The following POLR2F variants were observed in gnomAD, a reference collection of about 807,000 sequenced individuals.
POLR2F encodes the protein RNA polymerase II, I and III subunit F, also known as DNA-directed RNA polymerases I, II, and III subunit RPABC2.
Under a neutral mutation model 22.7 loss-of-function variants are expected in POLR2F, and 12 were observed. That is an observed-to-expected ratio of 0.53 (90% CI 0.34 to 0.86). The LOEUF is 0.86. Among genes scored for constraint, POLR2F ranks in the 40% least tolerant of loss-of-function variants. The probability of loss-of-function intolerance (pLI) is 0.02; values close to 1 mark genes in which losing one functional copy is unlikely to be tolerated. For missense variants in POLR2F, 126 were observed against 171.5 expected (o/e 0.73, Z 1.48); for synonymous variants, 57 against 66.0 (o/e 0.86, Z 0.66).
upstream of POLR2F, chr22:37,983,663 C>A (rs199750760): frequency 2.5e-4 from 393 of 1,584,728 alleles, 1 homozygote; most frequent in East Asian, 6.8e-3. This position sits in a 1 kb window ranked among gnomAD's most constrained non-coding sequence, Gnocchi z 9.5. Flanking sequence ...GGCTCGCAGG[C>A]CCGATCCGCC....
At chr22:37,973,809 G>A (rs747475086), downstream of POLR2F, 1 of 1,598,184 alleles carries the variant, frequency 6.3e-7, no homozygotes, top group Non-Finnish European at 8.6e-7. Flanking sequence ...GGCCCCTGGG[G>A]CCCCGCGGTC....
rs2145773436 is a variant in POLR2F at position 37,980,884 on chromosome 22, C to A, written c.293+13714C>A. Among the ~76,000 whole-genome samples, 1 of 152,348 alleles carries A rather than the reference C, an allele frequency of 6.6e-6. No individual in the cohort carries two copies. The highest frequency in any genetic ancestry group is 2.1e-4 in the South Asian group (1 of 4,830). On this transcript the variant is annotated intron_variant, in intron 4 of 4. Coordinates refer to the POLR2F transcript ENST00000405557. The surrounding 1 kb of genome is among the most constrained non-coding windows in gnomAD (Gnocchi z 4.1). ...TAAGAAGACTACTTGGGGAAGGGGC[C>A]TGTGGCACTGGGAACAGAGGCTGGG...
intron 5 of POLR2F, among the ~76,000 whole-genome samples, chr22:38,033,645 G>A (rs185971346): frequency 2.0e-5 from 3 of 152,250 alleles, no homozygotes; most frequent in Non-Finnish European, 4.4e-5. Flanking sequence ...TGGCCCCGGC[G>A]GAGCGGGAGG....
intron 1 of POLR2F, among the ~76,000 whole-genome samples, chr22:38,008,130 C>T (rs970619439): frequency 2.6e-5 from 4 of 152,182 alleles, no homozygotes; most frequent in Non-Finnish European, 5.9e-5. Flanking sequence ...ATCCCAGCTA[C>T]TCAGGAGACT....
chr22:38,003,992 A>G (rs1156959524), intron 1 of POLR2F, among the ~76,000 whole-genome samples: 2 of 151,722 alleles, frequency 1.3e-5, no homozygotes, highest in Non-Finnish European at 2.9e-5. Flanking sequence ...GGAGATTAGG[A>G]TACTGTTTTG....
chr22:38,012,486 A>G (rs921920854), intron 1 of POLR2F, among the ~76,000 whole-genome samples: 3 of 152,190 alleles, frequency 2.0e-5, no homozygotes, highest in Admixed American at 1.3e-4. Flanking sequence ...CTATGTTAAG[A>G]TTTTACATAA....
chr22:37,973,143 C>T (rs1181279562), downstream of POLR2F: 3 of 271,840 alleles, frequency 1.1e-5, no homozygotes, highest in Non-Finnish European at 2.1e-5. Context: ...CCTCCGATGC[C>T]ACCAACCCTG....
chr22:37,956,852 C>G lies in POLR2F; in HGVS notation c.90+10C>G, dbSNP rs1337596322. The G allele has an allele frequency of 6.2e-7, 1 of 1,606,590 alleles. No homozygotes were observed. The highest frequency in any genetic ancestry group is 8.5e-7 in the Non-Finnish European group (1 of 1,173,222). On this transcript the variant is annotated intron_variant, in intron 2 of 4. Transcript: ENST00000442738. ...GGAGAATGCCGAAGAGGTCAGTATT[C>G]AGCCTCAGGCTCCCACCTCTGCAGC...
At chr22:38,041,439 T>G, downstream of POLR2F, 1 of 320,442 alleles carries the variant, frequency 3.1e-6, no homozygotes, top group Non-Finnish European at 5.9e-6. Context: ...AATGAGCTCA[T>G]GGGGCAAGTG....
intron 2 of POLR2F, among the ~76,000 whole-genome samples, chr22:37,959,081 T>G (rs535147451): frequency 6.6e-6 from 1 of 152,276 alleles, no homozygotes; most frequent in African/African-American, 2.4e-5. Flanking sequence ...CAGTTAGCTC[T>G]GGAATCTCAG....
chr22:37,970,378 G>A (rs546217923), downstream of POLR2F, among the ~76,000 whole-genome samples: 36 of 149,990 alleles, frequency 2.4e-4, 2 homozygotes, highest in East Asian at 5.5e-3. Flanking sequence ...CGAGGCAAGC[G>A]GATCATGAGG....
chr22:37,979,663 G>A (rs1932335308), intron 4 of POLR2F, among the ~76,000 whole-genome samples: 1 of 152,142 alleles, frequency 6.6e-6, no homozygotes, highest in Non-Finnish European at 1.5e-5. Context: ...CACATGGAGA[G>A]AAGAAGCCCT....
At chr22:38,030,968 G>A (rs555911804), downstream of POLR2F, among the ~76,000 whole-genome samples, 4 of 152,254 alleles carry the variant, frequency 2.6e-5, no homozygotes, top group East Asian at 7.7e-4. Context: ...CCTGGGACAG[G>A]ACGAGGGCTG....
intron 5 of POLR2F, among the ~76,000 whole-genome samples, chr22:38,038,641 G>A (rs1446622869): frequency 6.6e-6 from 1 of 152,142 alleles, no homozygotes; most frequent in Non-Finnish European, 1.5e-5. Context: ...GTGAGGCAGA[G>A]AATGGTTCTC....
intron 1 of POLR2F, among the ~76,000 whole-genome samples, chr22:37,996,624 G>T (rs1418728272): frequency 2.6e-5 from 4 of 152,216 alleles, no homozygotes; most frequent in African/African-American, 7.2e-5. Flanking sequence ...AGACCTAGCT[G>T]CAGTGTCACT....
downstream of POLR2F, chr22:37,973,977 G>C: frequency 6.2e-7 from 1 of 1,612,452 alleles, no homozygotes; most frequent in Non-Finnish European, 8.5e-7. Context: ...ACATGGCCTG[G>C]GTGCCCATTG....
intron 1 of POLR2F, among the ~76,000 whole-genome samples, chr22:38,025,085 C>T (rs1240482972): frequency 2.0e-5 from 3 of 152,166 alleles, no homozygotes; most frequent in Non-Finnish European, 2.9e-5. Flanking sequence ...CCTTCTGTCT[C>T]CTGGTGTCCT....
chr22:37,967,848 C>T lies in POLR2F; in HGVS notation c.*133C>T. On this transcript the variant is annotated 3_prime_UTR_variant, in exon 5 of 5. Transcript: ENST00000442738. ...TGCAATGTCACCACCTGTTGCTTCC[C>T]CGTTACCGCCATGCTGCGTGGAGCA... 9.1e-6 allele frequency: 13 copies of T among 1,429,872 alleles called. No individual in the cohort carries two copies. The highest frequency in any genetic ancestry group is 1.5e-5 in the South Asian group (1 of 67,390). 88.6% of individuals were successfully genotyped at this position (1,429,872 alleles called of 1,614,324 possible).
intron 1 of POLR2F, among the ~76,000 whole-genome samples, chr22:38,012,650 C>T (rs751013682): frequency 6.6e-6 from 1 of 152,202 alleles, no homozygotes; most frequent in Non-Finnish European, 1.5e-5. Flanking sequence ...TACGTTTACT[C>T]ACCATATCTC....
Sources: allele counts gnomAD v4.1 joint callset (sites outside exome capture counted in the v4.1 genomes callset), GRCh38; gene constraint gnomAD v4.1.1; non-coding constraint Gnocchi (gnomAD v3.1); transcripts MANE v1.5; gene names NCBI Gene and HGNC (gene_info 2026-07-23, HGNC 2026-07-21).